EFNA3: variants seen among roughly 807,000 people sequenced by gnomAD.
The protein encoded by EFNA3 is ephrin A3.
EFNA3 carries 15 observed loss-of-function variants against 25.0 expected under a neutral mutation model. That is an observed-to-expected ratio of 0.60 (90% CI 0.40 to 0.92). The LOEUF is 0.92. Among genes scored for constraint, EFNA3 ranks in the 40% least tolerant of loss-of-function variants. EFNA3 has a pLI of 0.00. For synonymous variants in EFNA3, 153 were observed against 145.6 expected (o/e 1.05, Z -0.37); for missense variants, 298 against 323.8 (o/e 0.92, Z 0.61).
Position 155,086,627 on chromosome 1 carries a change from G to C in EFNA3, c.*84G>C, listed in dbSNP as rs1461361569. On this transcript the variant is annotated 3_prime_UTR_variant, in exon 5 of 5. Coordinates refer to ENST00000368408, the MANE Select transcript of EFNA3 (RefSeq NM_004952.5). ...CTTTGGCCTCTCCAAGGGAAGCCTA[G>C]TGGGCCTAGACCCCTCCTCCCATGG... 1.3e-6 allele frequency: 2 copies of C among 1,552,364 alleles called. No homozygotes were observed. Among genetic ancestry groups the C allele is most frequent in the Admixed American group, 1.8e-5 (1 of 55,150 alleles).
At chr1:155,084,567 C>A (rs552564448) in intron 1 of EFNA3, among the ~76,000 whole-genome samples, 1 of 152,242 alleles carries the variant, frequency 6.6e-6, no homozygotes, top group East Asian at 1.9e-4. Flanking sequence ...GACTGGCCTC[C>A]GGGGTGGACT....
chr1:155,086,648 C>T lies in EFNA3; in HGVS notation c.*105C>T. 1 of 1,434,190 alleles carries T rather than the reference C, an allele frequency of 7.0e-7. No individual in the cohort carries two copies. Among genetic ancestry groups the T allele is most frequent in the Non-Finnish European group, 9.4e-7 (1 of 1,062,078 alleles). The allele number at this position is 1,434,190 out of a possible 1,614,324, so 88.8% of individuals were successfully genotyped here. A position where few individuals can be genotyped will look rare whatever the true frequency, so the allele number is the denominator to read the frequency against. ...CCTAGTGGGCCTAGACCCCTCCTCC[C>T]ATGGCTAGAAGTGGGGCCTGCACCA... is the stretch of plus-strand genomic sequence containing the variant. On this transcript the variant is annotated 3_prime_UTR_variant, in exon 5 of 5. Transcript: ENST00000368408.
chr1:155,083,027 C>A (rs1571662988), intron 1 of EFNA3, among the ~76,000 whole-genome samples: 1 of 152,316 alleles, frequency 6.6e-6, no homozygotes, highest in South Asian at 2.1e-4. Flanking sequence ...AGGAGCTGTT[C>A]CTGCCACCCA....
intron 1 of EFNA3, among the ~76,000 whole-genome samples, chr1:155,084,162 T>C (rs1440643679): frequency 2.0e-5 from 3 of 152,194 alleles, no homozygotes; most frequent in Non-Finnish European, 4.4e-5. Flanking sequence ...AGGGGGGCCG[T>C]TGTGCCAGGT....
Position 155,085,482 on chromosome 1 carries a change from C to T in EFNA3, c.442+78C>T, listed in dbSNP as rs1663436667. ...GCCGGGGGGTGGAGCCCCTAGGCTC[C>T]GGGGCGGGGCCGGCGCGGCGGGCGC... is the stretch of plus-strand genomic sequence containing the variant. On this transcript the variant is annotated intron_variant, in intron 2 of 4. Transcript: ENST00000368408. This position sits in a 1 kb window ranked among gnomAD's most constrained non-coding sequence, Gnocchi z 4.4. 2 of 1,438,056 alleles carry T rather than the reference C, an allele frequency of 1.4e-6. No homozygotes were observed. Among genetic ancestry groups the T allele is most frequent in the Admixed American group, 5.7e-5 (2 of 35,208 alleles). 89.1% of individuals were successfully genotyped at this position (1,438,056 alleles called of 1,614,324 possible). A position where few individuals can be genotyped will look rare whatever the true frequency, so the allele number is the denominator to read the frequency against.
chr1:155,086,506 G>A lies in EFNA3; in HGVS notation c.680G>A (p.Gly227Asp). Reference protein sequence around the residue: ...PKREHLPLAVGIAFFLMTFLA... With the variant: ...PKREHLPLAVDIAFFLMTFLA... ...CGGGAACACCTGCCCCTGGCCGTGG[G>A]CATCGCCTTCTTCCTCATGACGTTC... is the stretch of plus-strand genomic sequence containing the variant. The change falls in exon 5 of 5, where the codon GGC becomes GAC. Residue 227 changes from glycine (G) to aspartate (D), a missense_variant. Physicochemically the swap from Gly to Asp is moderately conservative, Grantham distance 94. Coordinates refer to ENST00000368408, the MANE Select transcript of EFNA3 (RefSeq NM_004952.5). 6.2e-7 allele frequency: 1 copy of A among 1,614,090 alleles called. No homozygotes were observed.
rs1372561001 is a variant in EFNA3, at chr1:155,079,378, C to CA, written c.128+310dup. On this transcript the variant is annotated intron_variant, in intron 1 of 4. Coordinates refer to ENST00000368408, the MANE Select transcript of EFNA3 (RefSeq NM_004952.5). This position sits in a 1 kb window ranked among gnomAD's most constrained non-coding sequence, Gnocchi z 7.7. ...GCATGCCCCTGTCCCATAGTCCCACCAGTTGGGCTGGGGTTTGGGGGTAGC... is the reference window on the plus strand; with the variant it reads ...GCATGCCCCTGTCCCATAGTCCCACCAAGTTGGGCTGGGGTTTGGGGGTAGC... Among the ~76,000 whole-genome samples, 1 of 152,134 alleles carries CA rather than the reference C, an allele frequency of 6.6e-6. No individual in the cohort carries two copies. The highest frequency in any genetic ancestry group is 2.4e-5 in the African/African-American group (1 of 41,422).
rs1011236924 is a variant in EFNA3, at chr1:155,081,403, G to A, written c.128+2334G>A. On this transcript the variant is annotated intron_variant, in intron 1 of 4. Transcript: ENST00000368408. The surrounding 1 kb of genome is among the most constrained non-coding windows in gnomAD (Gnocchi z 5.2). ...TGGCCAAATATATGCCCCCTGGCCT[G>A]TGTTTCATTTCTTTGCAGAACTGAG... Among the ~76,000 whole-genome samples, 1 of 152,238 alleles carries A rather than the reference G, an allele frequency of 6.6e-6. No homozygotes were observed. Among genetic ancestry groups the A allele is most frequent in the African/African-American group, 2.4e-5 (1 of 41,444 alleles).
At position 155,086,789 on chromosome 1, in the gene EFNA3, C is replaced by G. The variant is rs1372730976; in HGVS notation, c.*246C>G. The G allele has an allele frequency of 2.1e-6, 1 of 487,582 alleles. No individual in the cohort carries two copies. The highest frequency in any genetic ancestry group is 3.6e-6 in the Non-Finnish European group (1 of 274,898). 30.2% of individuals were successfully genotyped at this position (487,582 alleles called of 1,614,324 possible). The stretch of plus-strand genomic sequence containing the variant: ...TTGTGGCTCTGGTAATGTTTGGTAC[C>G]AAACTTGGGGGCCAAAAAGGGCAGT... On this transcript the variant is annotated 3_prime_UTR_variant, in exon 5 of 5. Transcript: ENST00000368408.
In EFNA3 at chr1:155,078,969, C is replaced by T. The variant is rs974672932; in HGVS notation, c.28C>T (p.Leu10=). The part of the protein sequence containing the change: MAAAPLLLL[L]LLVPVPLLPL... The stretch of plus-strand genomic sequence containing the variant: ...GGCGGCGGCTCCGCTGCTGCTGCTG[C>T]TGCTGCTCGTGCCCGTGCCGCTGCT... Residue 10 remains leucine (L), a synonymous_variant, in exon 1 of 5, where the codon CTG becomes TTG. Transcript: ENST00000368408. 1.4e-6 allele frequency: 2 copies of T among 1,433,168 alleles called. No individual in the cohort carries two copies. The highest frequency in any genetic ancestry group is 1.8e-6 in the Non-Finnish European group (2 of 1,092,056). The allele number at this position is 1,433,168 out of a possible 1,614,324, so 88.8% of individuals were successfully genotyped here. A position where few individuals can be genotyped will look rare whatever the true frequency, so the allele number is the denominator to read the frequency against.
chr1:155,079,488 G>C lies in EFNA3; in HGVS notation c.128+419G>C, dbSNP rs143208439. On this transcript the variant is annotated intron_variant, in intron 1 of 4. Transcript: ENST00000368408. This position sits in a 1 kb window ranked among gnomAD's most constrained non-coding sequence, Gnocchi z 7.7. Reference sequence around the variant, plus strand: ...GAGGGCTTCCAGGGGTTCTGTCTAGGACTCCTGCTTTTAAAAGTGGGGTCC... The same window carrying C: ...GAGGGCTTCCAGGGGTTCTGTCTAGCACTCCTGCTTTTAAAAGTGGGGTCC... Among the ~76,000 whole-genome samples the C allele has an allele frequency of 2.5e-4, 38 of 152,226 alleles. No individual in the cohort carries two copies. Among genetic ancestry groups the C allele is most frequent in the African/African-American group, 7.9e-4 (33 of 41,526 alleles).
chr1:155,085,631 A>G lies in EFNA3; in HGVS notation c.442+227A>G, dbSNP rs1261588061. The G allele has an allele frequency of 1.7e-5, 12 of 690,294 alleles. No homozygotes were observed. The Admixed American group carries it at 2.7e-4, about 15-fold the overall frequency. The allele number at this position is 690,294 out of a possible 1,614,324, so 42.8% of individuals were successfully genotyped here. On this transcript the variant is annotated intron_variant, in intron 2 of 4. Transcript: ENST00000368408. The surrounding 1 kb of genome is among the most constrained non-coding windows in gnomAD (Gnocchi z 4.4). Reference sequence around the variant, plus strand: ...CAGTCCCAAGTTTGGGCTGCGGAGAATCGCTGTTTCTGTGAGGGACATTCC... The same window carrying G: ...CAGTCCCAAGTTTGGGCTGCGGAGAGTCGCTGTTTCTGTGAGGGACATTCC...
At position 155,085,564 on chromosome 1, in the gene EFNA3, C is replaced by T; in HGVS notation, c.442+160C>T. ...GTGGGCACGGGACGCCTGAGGGGTT[C>T]AGCTCAGACGAGGTCGTGGGGCCAA... is the stretch of plus-strand genomic sequence containing the variant. On this transcript the variant is annotated intron_variant, in intron 2 of 4. Coordinates refer to ENST00000368408, the MANE Select transcript of EFNA3 (RefSeq NM_004952.5). This position sits in a 1 kb window ranked among gnomAD's most constrained non-coding sequence, Gnocchi z 4.4. The T allele has an allele frequency of 2.2e-6, 2 of 928,576 alleles. No homozygotes were observed. 57.5% of individuals were successfully genotyped at this position (928,576 alleles called of 1,614,324 possible).
chr1:155,085,026 G>A lies in EFNA3; in HGVS notation c.129-65G>A. The A allele has an allele frequency of 6.4e-7, 1 of 1,557,098 alleles. No homozygotes were observed. Among genetic ancestry groups the A allele is most frequent in the Non-Finnish European group, 8.8e-7 (1 of 1,141,794 alleles). On this transcript the variant is annotated intron_variant, in intron 1 of 4. Coordinates refer to ENST00000368408, the MANE Select transcript of EFNA3 (RefSeq NM_004952.5). The surrounding 1 kb of genome is among the most constrained non-coding windows in gnomAD (Gnocchi z 4.4). ...GGACCCTGGGGAGGGGCTGCGGAGC[G>A]GTCAGATGGAAAGCGGCTTTGCTCT...
rs747266587 is a variant in EFNA3, at chr1:155,085,179, C to A, written c.217C>A (p.Pro73Thr). 1.2e-5 allele frequency: 19 copies of A among 1,555,532 alleles called. No individual in the cohort carries two copies. The highest frequency in any genetic ancestry group is 1.6e-5 in the Non-Finnish European group (18 of 1,137,220). The change falls in exon 2 of 5, where the codon CCC becomes ACC. Residue 73 changes from proline (P) to threonine (T), a missense_variant. Coordinates refer to ENST00000368408, the MANE Select transcript of EFNA3 (RefSeq NM_004952.5). The surrounding 1 kb of genome is among the most constrained non-coding windows in gnomAD (Gnocchi z 4.4). ...CPHYNSSGVG[P>T]GAGPGPGGGA... The stretch of plus-strand genomic sequence containing the variant: ...GCACTACAACAGCTCGGGGGTGGGC[C>A]CCGGGGCGGGACCGGGGCCCGGAGG...
At position 155,085,594 on chromosome 1, in the gene EFNA3, G is replaced by A. The variant is rs1357220467; in HGVS notation, c.442+190G>A. On this transcript the variant is annotated intron_variant, in intron 2 of 4. Transcript: ENST00000368408. The surrounding 1 kb of genome is among the most constrained non-coding windows in gnomAD (Gnocchi z 4.4). ...CAGACGAGGTCGTGGGGCCAAGAGA[G>A]GAGTTTGGTGACAGTCCCAAGTTTG... The A allele has an allele frequency of 3.9e-6, 3 of 762,446 alleles. No homozygotes were observed. The highest frequency in any genetic ancestry group is 6.2e-6 in the Non-Finnish European group (3 of 485,966). 47.2% of individuals were successfully genotyped at this position (762,446 alleles called of 1,614,324 possible).
rs1326324680 is a variant in EFNA3, at chr1:155,081,706, G to T, written c.128+2637G>T. 6.6e-6 allele frequency among the ~76,000 whole-genome samples: 1 copy of T among 152,002 alleles called. No individual in the cohort carries two copies. Among genetic ancestry groups the T allele is most frequent in the Non-Finnish European group, 1.5e-5 (1 of 68,004 alleles). ...CGCCGTCTGTGGGCCTCTCTGGCCTGCCTGTCTCTCCTGTTCTCCAAGACT... is the reference window on the plus strand; with the variant it reads ...CGCCGTCTGTGGGCCTCTCTGGCCTTCCTGTCTCTCCTGTTCTCCAAGACT... On this transcript the variant is annotated intron_variant, in intron 1 of 4. Coordinates refer to ENST00000368408, the MANE Select transcript of EFNA3 (RefSeq NM_004952.5). The surrounding 1 kb of genome is among the most constrained non-coding windows in gnomAD (Gnocchi z 5.2).
chr1:155,080,166 G>A lies in EFNA3; in HGVS notation c.128+1097G>A, dbSNP rs1663314123. 6.6e-6 allele frequency among the ~76,000 whole-genome samples: 1 copy of A among 152,252 alleles called. No individual in the cohort carries two copies. The highest frequency in any genetic ancestry group is 2.4e-5 in the African/African-American group (1 of 41,552). On this transcript the variant is annotated intron_variant, in intron 1 of 4. Coordinates refer to ENST00000368408, the MANE Select transcript of EFNA3 (RefSeq NM_004952.5). The surrounding 1 kb of genome is among the most constrained non-coding windows in gnomAD (Gnocchi z 7.0). ...TGTCACACCTGCCCGGGCGGTGGCG[G>A]CAGCACTGCCTCTGGCTGCCCACCC...
rs777110008 is a variant in EFNA3, at chr1:155,078,893, CG to C, written c.-46del. On this transcript the variant is annotated 5_prime_UTR_variant, in exon 1 of 5. Coordinates refer to ENST00000368408, the MANE Select transcript of EFNA3 (RefSeq NM_004952.5). ...GCAGGGAGCTGGGAAGCGGAGAAGC[CG>C]GGAGCGCGGGGCTCAGTCGGGGGGC... 11 of 1,341,068 alleles carry C rather than the reference CG, an allele frequency of 8.2e-6. No individual in the cohort carries two copies. In the South Asian group the frequency reaches 2.2e-4, roughly 27 times the overall value. 83.1% of individuals were successfully genotyped at this position (1,341,068 alleles called of 1,614,324 possible).
Sources: allele counts gnomAD v4.1 joint callset (sites outside exome capture counted in the v4.1 genomes callset), GRCh38; gene constraint gnomAD v4.1.1; non-coding constraint Gnocchi (gnomAD v3.1); transcripts MANE v1.5; gene names NCBI Gene and HGNC (gene_info 2026-07-23, HGNC 2026-07-21).